ANKRD36C: variants seen among roughly 807,000 people sequenced by gnomAD.
ANKRD36C encodes ankyrin repeat domain 36C.
In ANKRD36C, 61 loss-of-function variants were observed where a neutral mutation model predicts 276.4. That is an observed-to-expected ratio of 0.22 (90% CI 0.18 to 0.27). The LOEUF (loss-of-function observed/expected upper bound fraction) is 0.27, where lower values mean the gene tolerates loss of function less well. Ranked by LOEUF, ANKRD36C falls within the 10% of genes least tolerant of loss-of-function variation. ANKRD36C has a pLI of 1.00. For missense variants in ANKRD36C, 1,447 were observed against 2,032.3 expected, an observed-to-expected ratio of 0.71 and a Z score of 5.54; for synonymous variants, 483 against 680.1, an observed-to-expected ratio of 0.71 and a Z score of 4.51.
intron 34 of ANKRD36C, among the ~76,000 whole-genome samples, chr2:95,918,762 T>G (rs1410500343): frequency 1.3e-5 from 2 of 151,476 alleles, no homozygotes; most frequent in African/African-American, 2.4e-5. Context: ...TTTGACATAC[T>G]TCTACAAAGT....
rs1463512104 is a variant in ANKRD36C, at chr2:95,908,756, T to C, written c.2653+3488A>G. The C allele has an allele frequency of 2.9e-5, 44 of 1,534,066 alleles. No individual in the cohort carries two copies. The Admixed American group carries it at 4.1e-4, about 14-fold the overall frequency. On this transcript the variant is annotated intron_variant, in intron 42 of 66. Transcript: ENST00000456556. ...TGTAAAAATGACAAAATTATCCACATATTCATGCAGTGTTAGCATCAACCT... is the reference window on the plus strand; with the variant it reads ...TGTAAAAATGACAAAATTATCCACACATTCATGCAGTGTTAGCATCAACCT...
intron 17 of ANKRD36C, 151 bp downstream of exon 17, chr2:95,948,379 C>G (rs1440179505): frequency 4.4e-6 from 3 of 675,476 alleles, no homozygotes; most frequent in Non-Finnish European, 6.7e-6. Context: ...AAAATTAACC[C>G]CCCCTATTTC....
At chr2:95,942,162 C>CA (rs1677911702) in intron 19 of ANKRD36C, among the ~76,000 whole-genome samples, 1 of 152,290 alleles carries the variant, frequency 6.6e-6, no homozygotes, top group East Asian at 1.9e-4. Context: ...TGACCTTACT[C>CA]AAAAAAACCA....
chr2:95,963,308 T>C (rs1036904228), intron 6 of ANKRD36C, among the ~76,000 whole-genome samples: 1 of 152,086 alleles, frequency 6.6e-6, no homozygotes, highest in African/African-American at 2.4e-5. Context: ...TAGATATTAA[T>C]AAGCTTTCAC....
intron 24 of ANKRD36C, 134 bp downstream of exon 24, chr2:95,935,320 T>TAAC (rs761093413): frequency 2.1e-6 from 2 of 962,526 alleles, no homozygotes; most frequent in South Asian, 2.0e-5. Context: ...GCATAGACAC[T>TAAC]AACAGCATCA....
exon 63 of ANKRD36C, chr2:95,855,733 C>T (rs200660194): frequency 1.2e-6 from 2 of 1,613,538 alleles, no homozygotes; most frequent in Non-Finnish European, 1.7e-6. Context: ...AGAATCAGAA[C>T]ATGAGAATTC....
chr2:95,919,077 G>T (rs1298285820), intron 34 of ANKRD36C, among the ~76,000 whole-genome samples: 22 of 136,480 alleles, frequency 1.6e-4, no homozygotes, highest in African/African-American at 4.7e-4. Flanking sequence ...GGAGTAATGA[G>T]TCAGTGTGCT....
intron 12 of ANKRD36C, among the ~76,000 whole-genome samples, chr2:95,957,890 A>G (rs1678367702): frequency 6.7e-6 from 1 of 148,902 alleles, no homozygotes. Flanking sequence ...ACTAACTGAT[A>G]ACAACAAAAC....
chr2:95,924,194 G>A (rs1677348320), intron 30 of ANKRD36C, among the ~76,000 whole-genome samples: 1 of 151,676 alleles, frequency 6.6e-6, no homozygotes, highest in Admixed American at 6.6e-5. Flanking sequence ...TTAAGTGGAA[G>A]GGACCTAAAT....
Position 95,948,604 on chromosome 2 carries a change from G to A in ANKRD36C, c.1296-8C>T. ...TCCAGTAGGTAGAGACACCTACAGA[G>A]CAAAAAGATATGAAAAAAATGAGCA... On this transcript the variant is annotated splice_polypyrimidine_tract_variant and splice_region_variant and intron_variant, in intron 16 of 66. Transcript: ENST00000456556. The A allele has an allele frequency of 6.5e-7, 1 of 1,533,516 alleles. No individual in the cohort carries two copies. Among genetic ancestry groups the A allele is most frequent in the Non-Finnish European group, 8.7e-7 (1 of 1,145,184 alleles). The allele number at this position is 1,533,516 out of a possible 1,614,324, so 95.0% of individuals were successfully genotyped here.
intron 42 of ANKRD36C, among the ~76,000 whole-genome samples, chr2:95,910,923 A>G (rs1300632893): frequency 6.7e-6 from 1 of 150,346 alleles, no homozygotes; most frequent in Non-Finnish European, 1.5e-5. Context: ...AGCAGGTGCC[A>G]CATGATCCCA....
intron 58 of ANKRD36C, among the ~76,000 whole-genome samples, chr2:95,879,398 T>C (rs1044718822): frequency 6.6e-5 from 10 of 151,720 alleles, no homozygotes; most frequent in African/African-American, 2.4e-4. Flanking sequence ...CACAAAAACA[T>C]GACTACAGTC....
Position 95,886,028 on chromosome 2 carries a change from A to G in ANKRD36C, c.3163+20T>C. ...CTTCTATTTGATCGAACATTACATTAAAGGTGTATTCCAAAATACCTGTCC... is the reference window on the plus strand; with the variant it reads ...CTTCTATTTGATCGAACATTACATTGAAGGTGTATTCCAAAATACCTGTCC... On this transcript the variant is annotated intron_variant, in intron 52 of 66. Coordinates refer to ENST00000456556, the Ensembl canonical transcript of ANKRD36C. The G allele has an allele frequency of 6.2e-7, 1 of 1,602,250 alleles. No homozygotes were observed. The highest frequency in any genetic ancestry group is 8.5e-7 in the Non-Finnish European group (1 of 1,173,526).
At chr2:95,929,661 T>C (rs1005586571) in intron 24 of ANKRD36C, among the ~76,000 whole-genome samples, 16 of 151,768 alleles carry the variant, frequency 1.1e-4, no homozygotes, top group African/African-American at 3.6e-4. Context: ...TCATGCAAGA[T>C]ATCAGTATGA....
intron 10 of ANKRD36C, among the ~76,000 whole-genome samples, chr2:95,960,147 T>C (rs547682891): frequency 6.6e-6 from 1 of 152,148 alleles, no homozygotes; most frequent in African/African-American, 2.4e-5. Flanking sequence ...TAGTACTTCA[T>C]CTTATTCTCC....
rs2104389231 is a variant in ANKRD36C at position 95,908,463 on chromosome 2, C to G, written c.2653+3781G>C. The G allele has an allele frequency of 2.7e-6, 4 of 1,458,858 alleles. No homozygotes were observed. The East Asian group carries it at 7.6e-5, about 28-fold the overall frequency. The allele number at this position is 1,458,858 out of a possible 1,614,324, so 90.4% of individuals were successfully genotyped here. ...TCACGGAAGAGAATTTCTTATCTAT[C>G]TGGACTGAACATGACATTAAATCTC... On this transcript the variant is annotated intron_variant, in intron 42 of 66. Transcript: ENST00000456556.
chr2:95,961,125 T>TA (rs1436199508), intron 8 of ANKRD36C, among the ~76,000 whole-genome samples: 2 of 152,182 alleles, frequency 1.3e-5, no homozygotes, highest in African/African-American at 4.8e-5. Context: ...ATTGAGCAGG[T>TA]ACACAATGAC....
At chr2:95,987,936 T>C (rs1679065331) in intron 1 of ANKRD36C, among the ~76,000 whole-genome samples, 1 of 152,116 alleles carries the variant, frequency 6.6e-6, no homozygotes, top group African/African-American at 2.4e-5. Context: ...TATTCTCTTA[T>C]ATATTAACAT....
intron 24 of ANKRD36C, among the ~76,000 whole-genome samples, chr2:95,931,612 G>A (rs914596790): frequency 6.7e-6 from 1 of 148,488 alleles, no homozygotes; most frequent in African/African-American, 2.5e-5. Context: ...TCTCCTTGAT[G>A]CACCAAAATC....
Sources: gnomAD v4.1 joint callset for allele counts (sites outside exome capture counted in the v4.1 genomes callset) on GRCh38, gnomAD v4.1.1 for gene constraint, MANE v1.5 for transcripts, NCBI Gene and HGNC (gene_info 2026-07-23, HGNC 2026-07-21) for gene names.